ARHGAP22: variants seen among roughly 807,000 people sequenced by gnomAD.
ARHGAP22 encodes rho GTPase-activating protein 22.
Under a neutral mutation model 59.1 loss-of-function variants are expected in ARHGAP22, and 48 were observed. The ratio of observed to expected loss-of-function variants is 0.81; its 90% CI spans 0.64 to 1.03. ARHGAP22 has a LOEUF of 1.03. ARHGAP22 is among the 50% of genes least tolerant of loss of function. The pLI is 0.00. For missense variants in ARHGAP22, 1,015 were observed against 958.7 expected, an observed-to-expected ratio of 1.06 and a Z score of -0.78; for synonymous variants, 445 against 416.4, an observed-to-expected ratio of 1.07 and a Z score of -0.84.
chr10:48,648,709 G>A (rs1168811087), intron 1 of ARHGAP22, among the ~76,000 whole-genome samples: 4 of 152,292 alleles, frequency 2.6e-5, no homozygotes, highest in African/African-American at 4.8e-5. Context: ...CCGGAGAGTG[G>A]GCAGATCATG....
chr10:48,446,373 T>G lies in ARHGAP22; in HGVS notation c.*18A>C. ...GAGACCAGCAGACGTGGTACAGAAG[T>G]GAGCTCTGCCATTCCTTTTACTTTG... On this transcript the variant is annotated 3_prime_UTR_variant, in exon 10 of 10. Coordinates refer to ENST00000249601, the MANE Select transcript of ARHGAP22 (RefSeq NM_021226.4). 146 of 1,610,390 alleles carry G rather than the reference T, an allele frequency of 9.1e-5. No homozygotes were observed. The highest frequency in any genetic ancestry group is 1.1e-4 in the Non-Finnish European group (131 of 1,176,632).
intron 1 of ARHGAP22, among the ~76,000 whole-genome samples, chr10:48,596,169 G>A (rs529087599): frequency 6.6e-6 from 1 of 152,240 alleles, no homozygotes; most frequent in African/African-American, 2.4e-5. Flanking sequence ...GTGGGAAGCC[G>A]GGAGACACCC....
chr10:48,596,932 G>A (rs1027877868), intron 1 of ARHGAP22, among the ~76,000 whole-genome samples: 9 of 152,138 alleles, frequency 5.9e-5, no homozygotes, highest in African/African-American at 2.2e-4. Flanking sequence ...GTCCCGCATG[G>A]GCCATTGTGC....
chr10:48,459,547 C>T (rs2046933573), intron 5 of ARHGAP22, 137 bp downstream of exon 5: 1 of 996,964 alleles, frequency 1.0e-6, no homozygotes, highest in Non-Finnish European at 1.5e-6. Context: ...GTGTGCCCTA[C>T]ACTCTGCCCA....
intron 9 of ARHGAP22, among the ~76,000 whole-genome samples, chr10:48,448,599 AC>A (rs2045592055): frequency 1.0e-5 from 1 of 95,280 alleles, no homozygotes; most frequent in Admixed American, 1.3e-4. Flanking sequence ...GCCTCACCCC[AC>A]CCCCCACCCG....
intron 3 of ARHGAP22, among the ~76,000 whole-genome samples, chr10:48,518,676 C>T (rs932168146): frequency 5.3e-5 from 8 of 152,158 alleles, no homozygotes; most frequent in Admixed American, 3.3e-4. Context: ...ACTGAGCATG[C>T]AGTGAGCAAG....
intron 3 of ARHGAP22, among the ~76,000 whole-genome samples, chr10:48,489,029 T>C (rs2050114861): frequency 6.6e-6 from 1 of 152,182 alleles, no homozygotes; most frequent in African/African-American, 2.4e-5. Context: ...TCCCATCTCT[T>C]GGGGGTCATA....
At chr10:48,579,581 C>A (rs908314312) in intron 2 of ARHGAP22, among the ~76,000 whole-genome samples, 7 of 152,212 alleles carry the variant, frequency 4.6e-5, no homozygotes, top group Non-Finnish European at 7.3e-5. Context: ...TCTATGCTTT[C>A]TGTCCTCTGC....
chr10:48,490,660 T>G (rs572053004), intron 3 of ARHGAP22, among the ~76,000 whole-genome samples: 1 of 152,222 alleles, frequency 6.6e-6, no homozygotes, highest in Admixed American at 6.5e-5. Flanking sequence ...CAAGGCAGGA[T>G]GTTGGGAGCC....
intron 2 of ARHGAP22, among the ~76,000 whole-genome samples, chr10:48,570,177 T>A (rs1262580594): frequency 1.5e-5 from 2 of 130,226 alleles, no homozygotes; most frequent in Non-Finnish European, 3.2e-5. Flanking sequence ...AGAGTTTTCA[T>A]TTTGATATGT....
rs147931727 is a variant in ARHGAP22, at chr10:48,637,508, A to G, written c.52+14726T>C. ...TGGGTAGATGGATGGATGGTAAAGA[A>G]ATGAGTGGATGAATGACTGGTGGAT... On this transcript the variant is annotated intron_variant, in intron 1 of 9. Coordinates refer to the ARHGAP22 transcript ENST00000435790. Among the ~76,000 whole-genome samples the G allele has an allele frequency of 5.3e-3, 803 of 151,660 alleles. 11 individuals are homozygous for G. The highest frequency in any genetic ancestry group is 0.019 in the African/African-American group (769 of 41,316).
intron 9 of ARHGAP22, among the ~76,000 whole-genome samples, chr10:48,447,812 G>T (rs2045512926): frequency 6.6e-6 from 1 of 152,164 alleles, no homozygotes; most frequent in Non-Finnish European, 1.5e-5. Flanking sequence ...CCTTCCCTCA[G>T]CTGCTCAGCT....
Position 48,555,507 on chromosome 10 carries a change from G to A in ARHGAP22, c.278C>T (p.Pro93Leu), listed in dbSNP as rs2088936705. ...GTGCTTCCCTGGGTCCTCGGGGCCAGGAGGAAGTTCAGTCACCTGTGTCCC... is the reference window on the plus strand; with the variant it reads ...GTGCTTCCCTGGGTCCTCGGGGCCAAGAGGAAGTTCAGTCACCTGTGTCCC... ...LQGTQVTELP[P>L]GPEDPGKHLF... The change falls in exon 3 of 10, where the codon CCT becomes CTT. Residue 93 changes from proline (P) to leucine (L), a missense_variant. Pro to Leu is a moderately conservative substitution (Grantham distance 98, BLOSUM62 -3). Transcript: ENST00000249601. 6.2e-7 allele frequency: 1 copy of A among 1,614,132 alleles called. No homozygotes were observed. The highest frequency in any genetic ancestry group is 8.5e-7 in the Non-Finnish European group (1 of 1,180,052).
At chr10:48,565,731 C>T (rs2058008206) in intron 2 of ARHGAP22, among the ~76,000 whole-genome samples, 1 of 152,168 alleles carries the variant, frequency 6.6e-6, no homozygotes, top group East Asian at 1.9e-4. Context: ...TGTCACTGGG[C>T]CATCTGAGAT....
chr10:48,632,699 G>A (rs2061668302), intron 1 of ARHGAP22, among the ~76,000 whole-genome samples: 1 of 152,152 alleles, frequency 6.6e-6, no homozygotes, highest in South Asian at 2.1e-4. Context: ...GTCTTCACAA[G>A]ACCAGCCTCA....
At chr10:48,618,225 A>G (rs1181939820) in intron 1 of ARHGAP22, among the ~76,000 whole-genome samples, 1 of 152,052 alleles carries the variant, frequency 6.6e-6, no homozygotes, top group Non-Finnish European at 1.5e-5. Context: ...CTCCCATCAA[A>G]GAAAAGCCCA....
intron 3 of ARHGAP22, among the ~76,000 whole-genome samples, chr10:48,495,048 T>G (rs2050777996): frequency 6.6e-6 from 1 of 152,252 alleles, no homozygotes; most frequent in Admixed American, 6.5e-5. Context: ...TCTATAGAAC[T>G]TATCCTGATT....
intron 3 of ARHGAP22, among the ~76,000 whole-genome samples, chr10:48,536,535 C>T (rs2055375719): frequency 6.6e-6 from 1 of 152,208 alleles, no homozygotes. Flanking sequence ...ACTCAACCTC[C>T]AGTGCCTCTG....
intron 3 of ARHGAP22, among the ~76,000 whole-genome samples, chr10:48,507,618 G>A (rs1754163750): frequency 6.6e-6 from 1 of 152,134 alleles, no homozygotes; most frequent in South Asian, 2.1e-4. Context: ...CCACACCTCT[G>A]TGTGCTGGGT....
Sources: gnomAD v4.1 joint callset for allele counts (sites outside exome capture counted in the v4.1 genomes callset) on GRCh38, gnomAD v4.1.1 for gene constraint, MANE v1.5 for transcripts, NCBI Gene and HGNC (gene_info 2026-07-23, HGNC 2026-07-21) for gene names.